PDE4C: variants seen among roughly 807,000 people sequenced by gnomAD.
PDE4C encodes the protein phosphodiesterase 4C.
Under a neutral mutation model 63.9 loss-of-function variants are expected in PDE4C, and 50 were observed. The observed-to-expected ratio is 0.78, with a 90% CI of 0.62 to 0.99. The LOEUF is 0.99. Ranked by LOEUF, PDE4C falls within the 50% of genes least tolerant of loss-of-function variation. The pLI is 0.00. For missense variants in PDE4C, 777 were observed against 899.1 expected (o/e 0.86, Z 1.74); for synonymous variants, 377 against 385.1 (o/e 0.98, Z 0.25).
At position 18,247,498 on chromosome 19, in the gene PDE4C, GT is replaced by G. The variant is rs770254226; in HGVS notation, c.-210+672del. On this transcript the variant is annotated intron_variant, in intron 1 of 15. Transcript: ENST00000594617. Reference sequence around the variant, plus strand: ...TCTAGTAGAGACGGGGTTTCTCCATGTTGGCCAGGTTGGTCTTGAACTCCTG... The same window carrying G: ...TCTAGTAGAGACGGGGTTTCTCCATGTGGCCAGGTTGGTCTTGAACTCCTG... Among the ~76,000 whole-genome samples, 19 of 152,312 alleles carry G rather than the reference GT, an allele frequency of 1.2e-4. No individual in the cohort carries two copies. In the East Asian group the frequency reaches 3.3e-3, roughly 26 times the overall value.
At chr19:18,212,838 C>T (rs1968018063) in intron 13 of PDE4C, among the ~76,000 whole-genome samples, 1 of 150,964 alleles carries the variant, frequency 6.6e-6, no homozygotes, top group African/African-American at 2.4e-5. Context: ...CAGGCGCCCG[C>T]CACCACACCC....
intron 1 of PDE4C, among the ~76,000 whole-genome samples, chr19:18,232,409 G>GCA (rs1365595706): frequency 4.7e-5 from 7 of 149,438 alleles, no homozygotes; most frequent in African/African-American, 1.5e-4. Context: ...GTGTGTGTGT[G>GCA]CGTGTGTGTG....
At chr19:18,222,997 G>C (rs371840241) in intron 1 of PDE4C, among the ~76,000 whole-genome samples, 10 of 151,794 alleles carry the variant, frequency 6.6e-5, no homozygotes, top group African/African-American at 2.4e-4. Context: ...ACCGCACCCG[G>C]CCTCCCCATT....
chr19:18,220,150 G>A lies in PDE4C; in HGVS notation c.706+76C>T, dbSNP rs1003928663. The A allele has an allele frequency of 8.5e-7, 1 of 1,169,808 alleles. No individual in the cohort carries two copies. Among genetic ancestry groups the A allele is most frequent in the Non-Finnish European group, 1.3e-6 (1 of 781,524 alleles). The allele number at this position is 1,169,808 out of a possible 1,614,324, so 72.5% of individuals were successfully genotyped here. A position where few individuals can be genotyped will look rare whatever the true frequency, so the allele number is the denominator to read the frequency against. On this transcript the variant is annotated intron_variant, in intron 7 of 14. Transcript: ENST00000262805. This position sits in a 1 kb window ranked among gnomAD's most constrained non-coding sequence, Gnocchi z 5.1. ...CTGGCTGTATCTCCCCCAGACTGAG[G>A]TCTATCATAGGAATCTTTCTTTTGT...
chr19:18,241,918 T>G (rs1222448363), intron 1 of PDE4C, among the ~76,000 whole-genome samples: 1 of 152,086 alleles, frequency 6.6e-6, no homozygotes, highest in Non-Finnish European at 1.5e-5. Flanking sequence ...CATTCCTATT[T>G]GTTCACGTAT....
upstream of PDE4C, among the ~76,000 whole-genome samples, chr19:18,227,369 C>A (rs1968761397): frequency 6.6e-6 from 1 of 152,152 alleles, no homozygotes; most frequent in Non-Finnish European, 1.5e-5. Flanking sequence ...CTCTGACATT[C>A]CCCAGGCCCT....
intron 1 of PDE4C, among the ~76,000 whole-genome samples, chr19:18,222,703 T>TTTC (rs1968546449): frequency 7.5e-6 from 1 of 132,918 alleles, no homozygotes; most frequent in Non-Finnish European, 1.6e-5. Context: ...TTCTTTTCTT[T>TTTC]TTTTTTTTTT....
At chr19:18,237,168 C>G (rs759620970), upstream of PDE4C, 6 of 152,562 alleles carry the variant, frequency 3.9e-5, no homozygotes, top group Admixed American at 6.5e-5. Context: ...AGCTGTATCT[C>G]AGTCCTACTC....
At chr19:18,217,624 C>T (rs542716709) in intron 11 of PDE4C, among the ~76,000 whole-genome samples, 3 of 151,874 alleles carry the variant, frequency 2.0e-5, no homozygotes, top group East Asian at 2.0e-4. Flanking sequence ...TGTCTGGGCG[C>T]GGTGGCTCGT....
rs1046140672 is a variant in PDE4C, at chr19:18,226,178, C to T, written c.146+92G>A. ...CCAAGCCCGGACTCCGGCCCCGGCC[C>T]CAGCTGTCCCTGGCCTTGTCCCTGT... On this transcript the variant is annotated intron_variant, in intron 1 of 14. Coordinates refer to ENST00000262805, the Ensembl canonical transcript of PDE4C. 4.7e-6 allele frequency: 5 copies of T among 1,062,822 alleles called. No individual in the cohort carries two copies. In the African/African-American group the frequency reaches 6.5e-5, roughly 14 times the overall value. 65.8% of individuals were successfully genotyped at this position (1,062,822 alleles called of 1,614,324 possible).
chr19:18,242,803 A>AG (rs1555697734), intron 1 of PDE4C, among the ~76,000 whole-genome samples: 5 of 148,168 alleles, frequency 3.4e-5, no homozygotes, highest in Non-Finnish European at 6.0e-5. Flanking sequence ...AAAAAAAAAA[A>AG]GGGAATTGGG....
chr19:18,246,063 TGC>T lies in PDE4C; in HGVS notation c.-210+2106_-210+2107del, dbSNP rs1471372072. Reference sequence around the variant, plus strand: ...TCTTACTCTGTCATCCAGGCTGGAGTGCAGTGCAGTGGTGTGATCTTGGCTCA... The same window carrying T: ...TCTTACTCTGTCATCCAGGCTGGAGTAGTGCAGTGGTGTGATCTTGGCTCA... On this transcript the variant is annotated intron_variant, in intron 1 of 15. Transcript: ENST00000594617. Among the ~76,000 whole-genome samples, 30 of 110,212 alleles carry T rather than the reference TGC, an allele frequency of 2.7e-4. 1 individual carries two copies. The highest frequency in any genetic ancestry group is 1.2e-3 in the African/African-American group (27 of 22,580). 72.3% of individuals were successfully genotyped at this position (110,212 alleles called of 152,430 possible).
intron 1 of PDE4C, among the ~76,000 whole-genome samples, chr19:18,238,990 C>CAA (rs113472618): frequency 8.3e-5 from 8 of 96,934 alleles, no homozygotes; most frequent in South Asian, 3.1e-4. Context: ...GACCCTGTCT[C>CAA]AAAAAAAAAA....
intron 13 of PDE4C, among the ~76,000 whole-genome samples, chr19:18,212,217 G>T (rs56246239): frequency 0.65 from 98,284 of 151,202 alleles, 32,592 homozygotes; most frequent in Non-Finnish European, 0.7. Context: ...AGGGTCTCAC[G>T]CTGTGACCCT....
upstream of PDE4C, chr19:18,250,023 C>G: frequency 2.5e-6 from 1 of 398,400 alleles, no homozygotes; most frequent in East Asian, 3.6e-5. Flanking sequence ...CTCGTGTTTT[C>G]ACACGAGGCC....
chr19:18,232,211 A>G (rs1968862027), intron 1 of PDE4C, among the ~76,000 whole-genome samples: 1 of 152,036 alleles, frequency 6.6e-6, no homozygotes, highest in Admixed American at 6.6e-5. Context: ...GCAAAAATAC[A>G]AAAATTAGCC....
chr19:18,221,237 G>A (rs1393657747), intron 3 of PDE4C, 24 bp downstream of exon 3: 2 of 1,541,600 alleles, frequency 1.3e-6, no homozygotes, highest in Non-Finnish European at 1.7e-6. Context: ...GGGGGTCAGG[G>A]CAGGGAGGGC....
At chr19:18,209,910 T>C (rs976184209), downstream of PDE4C, 5 of 152,080 alleles carry the variant, frequency 3.3e-5, no homozygotes, top group Non-Finnish European at 5.9e-5. Context: ...GCCAGGCTGG[T>C]CTCGAACTCC....
chr19:18,237,020 G>T (rs768767749), upstream of PDE4C: 2 of 152,816 alleles, frequency 1.3e-5, no homozygotes, highest in African/African-American at 4.8e-5. Flanking sequence ...CACCAAGGGG[G>T]CTCACAGGGG....
Sources: gnomAD v4.1 joint callset for allele counts (sites outside exome capture counted in the v4.1 genomes callset) on GRCh38, gnomAD v4.1.1 for gene constraint, Gnocchi (gnomAD v3.1) non-coding constraint, MANE v1.5 for transcripts, NCBI Gene and HGNC (gene_info 2026-07-23, HGNC 2026-07-21) for gene names.